The following TOX3 variants were observed in gnomAD, a reference collection of about 807,000 sequenced individuals.
TOX3 encodes the protein TOX high mobility group box family member 3, also known as CAG trinucleotide repeat-containing gene F9 protein.
Under a neutral mutation model 64.3 loss-of-function variants are expected in TOX3, and 22 were observed. The ratio of observed to expected loss-of-function variants is 0.34; its 90% CI spans 0.24 to 0.49. TOX3 has a LOEUF of 0.49. TOX3 is among the 20% of genes least tolerant of loss of function. TOX3 has a pLI of 0.99. For synonymous variants in TOX3, 291 were observed against 273.6 expected, an observed-to-expected ratio of 1.06 and a Z score of -0.63; for missense variants, 661 against 714.4, an observed-to-expected ratio of 0.93 and a Z score of 0.85.
At chr16:52,455,815 A>C (rs1313305497) in intron 3 of TOX3, among the ~76,000 whole-genome samples, 1 of 152,202 alleles carries the variant, frequency 6.6e-6, no homozygotes, top group Non-Finnish European at 1.5e-5. Context: ...GGTGGACAGG[A>C]AAGCTGGGTG....
intron 1 of TOX3, among the ~76,000 whole-genome samples, chr16:52,529,861 G>A (rs994354356): frequency 5.3e-5 from 8 of 152,154 alleles, no homozygotes; most frequent in Non-Finnish European, 1.0e-4. Context: ...TGATGTTCAC[G>A]AAACTATTAC....
At chr16:52,452,313 C>A (rs907397202) in intron 3 of TOX3, among the ~76,000 whole-genome samples, 1 of 152,108 alleles carries the variant, frequency 6.6e-6, no homozygotes, top group African/African-American at 2.4e-5. Flanking sequence ...GTTCAATTCC[C>A]ACCTATGAGT....
At chr16:52,545,654 C>T (rs1424857920) in intron 1 of TOX3, among the ~76,000 whole-genome samples, 1 of 152,138 alleles carries the variant, frequency 6.6e-6, no homozygotes, top group South Asian at 2.1e-4. Context: ...GGAAAGAAAA[C>T]CACATTCAAA....
intron 1 of TOX3, among the ~76,000 whole-genome samples, chr16:52,479,302 G>C (rs988010843): frequency 1.3e-5 from 2 of 152,158 alleles, no homozygotes; most frequent in African/African-American, 4.8e-5. Context: ...ATGCATTCTA[G>C]GCAGGAAGGA....
Position 52,521,257 on chromosome 16 carries a change from A to G in TOX3, c.87+25380T>C, listed in dbSNP as rs572636979. 3.3e-5 allele frequency among the ~76,000 whole-genome samples: 5 copies of G among 152,360 alleles called. No homozygotes were observed. In the East Asian group the frequency reaches 7.7e-4, roughly 24 times the overall value. ...ATGGAAATGCTTTCTATGTAATTCA[A>G]TATGGTTTAAAAACATATCCTTGTA... is the stretch of plus-strand genomic sequence containing the variant. On this transcript the variant is annotated intron_variant, in intron 1 of 6. Coordinates refer to ENST00000219746, the MANE Select transcript of TOX3 (RefSeq NM_001080430.4).
chr16:52,540,568 A>T (rs1036245835), intron 1 of TOX3, among the ~76,000 whole-genome samples: 1 of 152,176 alleles, frequency 6.6e-6, no homozygotes, highest in African/African-American at 2.4e-5. Flanking sequence ...TGATCAAAGT[A>T]ATCTTCCTCT....
chr16:52,468,395 C>T, intron 2 of TOX3, 114 bp downstream of exon 2: 1 of 875,340 alleles, frequency 1.1e-6, no homozygotes, highest in Non-Finnish European at 1.8e-6. Context: ...AAAGTAGTTA[C>T]CTTGTGCCAC....
At chr16:52,464,243 T>C in intron 2 of TOX3, 55 bp from the exon 3 acceptor site, 1 of 1,376,932 alleles carries the variant, frequency 7.3e-7, no homozygotes, top group Non-Finnish European at 9.5e-7. Context: ...ATCTTATTCC[T>C]CCGGGGAGGG....
chr16:52,499,795 C>T (rs1961953649), intron 1 of TOX3, among the ~76,000 whole-genome samples: 2 of 152,216 alleles, frequency 1.3e-5, no homozygotes, highest in Non-Finnish European at 2.9e-5. Context: ...AGGGTGAACA[C>T]AGAAGCTGCT....
intron 1 of TOX3, among the ~76,000 whole-genome samples, chr16:52,534,343 A>T (rs1230911059): frequency 6.6e-6 from 1 of 152,192 alleles, no homozygotes; most frequent in African/African-American, 2.4e-5. Context: ...GGTTACATAC[A>T]AAGTCAAAGG....
Position 52,438,752 on chromosome 16 carries a change from C to G in TOX3, c.*473G>C. 1 of 191,384 alleles carries G rather than the reference C, an allele frequency of 5.2e-6. No homozygotes were observed. Among genetic ancestry groups the G allele is most frequent in the Non-Finnish European group, 1.1e-5 (1 of 88,974 alleles). The allele number at this position is 191,384 out of a possible 1,614,324, so 11.9% of individuals were successfully genotyped here. On this transcript the variant is annotated 3_prime_UTR_variant, in exon 7 of 7. Coordinates refer to ENST00000219746, the MANE Select transcript of TOX3 (RefSeq NM_001080430.4). ...AATGCCATCAACTATTCACGTCATA[C>G]AAATGTTTGTATGAAACTGGATCTT...
At chr16:52,457,701 C>A (rs1174306959) in intron 3 of TOX3, among the ~76,000 whole-genome samples, 3 of 152,088 alleles carry the variant, frequency 2.0e-5, no homozygotes, top group Non-Finnish European at 4.4e-5. Context: ...TCCAAATTAA[C>A]AACGATCAAA....
chr16:52,447,306 G>T (rs1419072295), intron 4 of TOX3, among the ~76,000 whole-genome samples: 1 of 152,212 alleles, frequency 6.6e-6, no homozygotes, highest in Non-Finnish European at 1.5e-5. Flanking sequence ...GATCAACCAA[G>T]ATAGATTCAA....
intron 1 of TOX3, among the ~76,000 whole-genome samples, chr16:52,511,222 G>A (rs369860706): frequency 5.9e-5 from 9 of 152,238 alleles, no homozygotes; most frequent in East Asian, 1.9e-4. Flanking sequence ...GGCTGGGCAC[G>A]GTGACTCATG....
chr16:52,528,227 G>T (rs1162575886), intron 1 of TOX3, among the ~76,000 whole-genome samples: 2 of 152,098 alleles, frequency 1.3e-5, no homozygotes, highest in Admixed American at 1.3e-4. Flanking sequence ...TGATGGTAAT[G>T]GTAACATTAA....
intron 2 of TOX3, among the ~76,000 whole-genome samples, chr16:52,467,672 A>T (rs2151758532): frequency 6.6e-6 from 1 of 152,290 alleles, no homozygotes; most frequent in Non-Finnish European, 1.5e-5. Context: ...TAAAATCTTA[A>T]ATCTCACACA....
At chr16:52,509,022 AT>A (rs1962233128) in intron 1 of TOX3, among the ~76,000 whole-genome samples, 1 of 152,184 alleles carries the variant, frequency 6.6e-6, no homozygotes, top group Non-Finnish European at 1.5e-5. Context: ...TTTATTATTC[AT>A]TTATTATTTA....
chr16:52,518,579 C>T (rs1962517064), intron 1 of TOX3, among the ~76,000 whole-genome samples: 1 of 152,110 alleles, frequency 6.6e-6, no homozygotes, highest in South Asian at 2.1e-4. Context: ...TAATGGTATC[C>T]ATCCTAGTAC....
chr16:52,510,749 G>T (rs1267618321), intron 1 of TOX3, among the ~76,000 whole-genome samples: 1 of 104,982 alleles, frequency 9.5e-6, no homozygotes, highest in African/African-American at 3.7e-5. Flanking sequence ...GACAGAGAAG[G>T]ACCCTGTCTC....
Sources: allele counts gnomAD v4.1 joint callset (sites outside exome capture counted in the v4.1 genomes callset), GRCh38; gene constraint gnomAD v4.1.1; transcripts MANE v1.5; gene names NCBI Gene and HGNC (gene_info 2026-07-23, HGNC 2026-07-21).